Variants in DIAPH2 observed in about 807,000 individuals in gnomAD.
DIAPH2 encodes the protein diaphanous related formin 2, also known as protein diaphanous homolog 2.
DIAPH2 carries 35 observed loss-of-function variants against 92.7 expected under a neutral mutation model. That is an observed-to-expected ratio of 0.38 (90% CI 0.29 to 0.50). DIAPH2 has a LOEUF of 0.50. DIAPH2 is among the 20% of genes least tolerant of loss of function. The pLI, the probability that DIAPH2 is intolerant of heterozygous loss-of-function variation, is 0.94. For missense variants in DIAPH2, 701 were observed against 819.5 expected (o/e 0.86, Z 1.77); for synonymous variants, 301 against 280.4 (o/e 1.07, Z -0.73).
At chrX:97,514,274 T>C (rs1303719406) in intron 26 of DIAPH2, among the ~76,000 whole-genome samples, 3 of 111,981 alleles carry the variant, frequency 2.7e-5, no homozygotes, top group African/African-American at 9.7e-5. Flanking sequence ...CTTCCATTGC[T>C]GATACCCTTT....
intron 19 of DIAPH2, among the ~76,000 whole-genome samples, chrX:97,091,556 G>A (rs1043055875): frequency 1.8e-5 from 2 of 111,714 alleles, no homozygotes; most frequent in Non-Finnish European, 3.8e-5. Flanking sequence ...ACCGAAACAA[G>A]TCTTTTTGAA....
Position 96,957,957 on chromosome X carries a change from C to T in DIAPH2, c.1744C>T (p.Pro582Ser). ...PGGAPLPPPP[P>S]PLPGMMGIPP... ...AGGAGCTCCTCTTCCTCCTCCACCA[C>T]CTCCTTTACCTGGAATGATGGGGAT... is the stretch of plus-strand genomic sequence containing the variant. The change falls in exon 16 of 27, where the codon CCT becomes TCT. Residue 582 changes from proline (P) to serine (S), a missense_variant. Transcript: ENST00000324765. 8.3e-7 allele frequency: 1 copy of T among 1,210,362 alleles called. No individual in the cohort carries two copies. The highest frequency in any genetic ancestry group is 1.1e-6 in the Non-Finnish European group (1 of 894,915).
intron 3 of DIAPH2, among the ~76,000 whole-genome samples, chrX:96,741,347 C>T (rs986799865): frequency 5.5e-5 from 6 of 109,261 alleles, no homozygotes; most frequent in Non-Finnish European, 9.5e-5. Flanking sequence ...TTAATCCTCT[C>T]ACTTTCTCTT....
intron 4 of DIAPH2, among the ~76,000 whole-genome samples, chrX:96,875,219 C>T (rs983222072): frequency 2.7e-5 from 3 of 111,912 alleles, no homozygotes; most frequent in Non-Finnish European, 5.6e-5. Flanking sequence ...AAAATCAGAA[C>T]TCTGAAACAC....
intron 20 of DIAPH2, among the ~76,000 whole-genome samples, chrX:97,103,670 G>T (rs2066920400): frequency 9.0e-6 from 1 of 111,524 alleles, no homozygotes; most frequent in Non-Finnish European, 1.9e-5. Flanking sequence ...ATCCGTCTCG[G>T]CACAACCCTT....
At chrX:97,055,826 A>C (rs900033985) in intron 17 of DIAPH2, among the ~76,000 whole-genome samples, 1 of 111,800 alleles carries the variant, frequency 8.9e-6, no homozygotes, top group African/African-American at 3.3e-5. Context: ...TTTCAAGAAA[A>C]AAACTATTAG....
intron 5 of DIAPH2, among the ~76,000 whole-genome samples, chrX:96,899,435 T>C (rs1421563507): frequency 9.0e-6 from 1 of 110,882 alleles, no homozygotes; most frequent in Non-Finnish European, 1.9e-5. Context: ...CTTGAAGAGG[T>C]CCTTCACATC....
intron 17 of DIAPH2, among the ~76,000 whole-genome samples, chrX:97,004,455 AT>A (rs1398865911): frequency 6.3e-5 from 7 of 111,196 alleles, no homozygotes; most frequent in Non-Finnish European, 1.1e-4. Context: ...TATATTTTAA[AT>A]TTTTTTTGGT....
In DIAPH2 at chrX:97,145,775, TTAC is replaced by T. The variant is rs930447856; in HGVS notation, c.2719+3982_2719+3984del. Among the ~76,000 whole-genome samples the T allele has an allele frequency of 3.2e-4, 35 of 110,758 alleles. 1 individual carries two copies. Among genetic ancestry groups the T allele is most frequent in the African/African-American group, 9.8e-4 (30 of 30,587 alleles). On this transcript the variant is annotated intron_variant, in intron 22 of 26. Transcript: ENST00000324765. ...TGAGAATTCTCAACTCAAAAAGATC[TTAC>T]GCACATTCTGCCTGCTTGCATCCCT...
At chrX:96,732,125 A>C (rs1482266459) in intron 1 of DIAPH2, among the ~76,000 whole-genome samples, 1 of 111,325 alleles carries the variant, frequency 9.0e-6, no homozygotes, top group Non-Finnish European at 1.9e-5. Flanking sequence ...CATCCACATA[A>C]ATGAATTTTG....
At chrX:97,527,084 A>C (rs1295878870) in intron 26 of DIAPH2, among the ~76,000 whole-genome samples, 1 of 112,126 alleles carries the variant, frequency 8.9e-6, no homozygotes, top group Non-Finnish European at 1.9e-5. Flanking sequence ...GATCAGGCCC[A>C]CTGCAAGCGA....
chrX:97,263,852 G>A (rs1241187666), intron 23 of DIAPH2, among the ~76,000 whole-genome samples: 1 of 109,687 alleles, frequency 9.1e-6, no homozygotes, highest in Non-Finnish European at 1.9e-5. Context: ...CTCCCAAAGT[G>A]CTAGGATTAC....
chrX:96,864,177 G>A (rs1056108745), intron 4 of DIAPH2, among the ~76,000 whole-genome samples: 24 of 111,554 alleles, frequency 2.2e-4, no homozygotes, highest in Middle Eastern at 4.6e-3. Context: ...ATATAAAAAT[G>A]ATGTCATGAA....
At chrX:96,782,337 G>C (rs940688225) in intron 4 of DIAPH2, among the ~76,000 whole-genome samples, 1 of 110,684 alleles carries the variant, frequency 9.0e-6, no homozygotes, top group Admixed American at 9.6e-5. Flanking sequence ...TGTCACCCAG[G>C]CTAGATGGGG....
intron 4 of DIAPH2, among the ~76,000 whole-genome samples, chrX:96,863,587 G>C (rs958461955): frequency 1.3e-4 from 14 of 110,026 alleles, no homozygotes; most frequent in African/African-American, 4.6e-4. Flanking sequence ...TTACCTAATT[G>C]AAATCATTCT....
At position 96,876,774 on chromosome X, in the gene DIAPH2, G is replaced by C. The variant is rs9723791; in HGVS notation, c.448-4805G>C. On this transcript the variant is annotated intron_variant, in intron 4 of 26. Transcript: ENST00000324765. ...GGGGCCTGTTGTGGGGTTTGGGGAGGGGGGAGGGATAGCATTAGGAGATAT... is the reference window on the plus strand; with the variant it reads ...GGGGCCTGTTGTGGGGTTTGGGGAGCGGGGAGGGATAGCATTAGGAGATAT... 1.7e-3 allele frequency among the ~76,000 whole-genome samples: 180 copies of C among 106,907 alleles called. 2 individuals are homozygous for C. Among genetic ancestry groups the C allele is most frequent in the Non-Finnish European group, 3.0e-3 (153 of 51,812 alleles). 92.8% of individuals were successfully genotyped at this position (106,907 alleles called of 115,157 possible).
intron 23 of DIAPH2, among the ~76,000 whole-genome samples, chrX:97,261,050 G>C (rs1043899887): frequency 9.7e-5 from 11 of 112,835 alleles, no homozygotes; most frequent in African/African-American, 3.5e-4. Context: ...GTGTTAAAAT[G>C]ATGGCTTTTT....
intron 5 of DIAPH2, among the ~76,000 whole-genome samples, chrX:96,889,837 G>A (rs1009699613): frequency 2.7e-5 from 3 of 111,910 alleles, no homozygotes; most frequent in Non-Finnish European, 5.6e-5. Flanking sequence ...TGTTAGAAAC[G>A]GAAAACAGCA....
chrX:97,296,186 C>G (rs2068641879), intron 23 of DIAPH2, among the ~76,000 whole-genome samples: 1 of 111,408 alleles, frequency 9.0e-6, no homozygotes, highest in Non-Finnish European at 1.9e-5. Flanking sequence ...CATATACTTT[C>G]CTGAGATAAA....
Sources: allele counts gnomAD v4.1 joint callset (sites outside exome capture counted in the v4.1 genomes callset), GRCh38; gene constraint gnomAD v4.1.1; transcripts MANE v1.5; gene names NCBI Gene and HGNC (gene_info 2026-07-23, HGNC 2026-07-21).